Variants in PWWP2B observed in about 807,000 individuals in gnomAD.
PWWP2B encodes the protein PWWP domain-containing protein 2B.
A neutral mutation model predicts 15.5 loss-of-function variants in PWWP2B; 9 were observed. The ratio of observed to expected loss-of-function variants is 0.58; its 90% CI spans 0.35 to 1.02. The LOEUF is 1.02. Among genes scored for constraint, PWWP2B ranks in the 50% least tolerant of loss-of-function variants. The pLI is 0.02. For synonymous variants in PWWP2B, 474 were observed against 403.6 expected, an observed-to-expected ratio of 1.17 and a Z score of -2.09; for missense variants, 864 against 865.3, an observed-to-expected ratio of 1.00 and a Z score of 0.02.
intron 2 of PWWP2B, among the ~76,000 whole-genome samples, chr10:132,407,119 C>A (rs112093390): frequency 6.6e-6 from 1 of 152,146 alleles, no homozygotes; most frequent in African/African-American, 2.4e-5. Context: ...GTAATCACCA[C>A]GTGGGGCATC....
At chr10:132,411,827 C>T (rs1422475014) in intron 2 of PWWP2B, among the ~76,000 whole-genome samples, 2 of 152,234 alleles carry the variant, frequency 1.3e-5, no homozygotes, top group East Asian at 3.8e-4. Flanking sequence ...TTTAGAACAG[C>T]GTCCTTGAGC....
intron 1 of PWWP2B, among the ~76,000 whole-genome samples, chr10:132,399,468 G>A (rs911130392): frequency 2.4e-4 from 37 of 152,278 alleles, no homozygotes; most frequent in African/African-American, 8.4e-4. Flanking sequence ...GTTGTCGGCC[G>A]GTTTGGGAGA....
At chr10:132,401,624 A>G (rs547589462) in intron 1 of PWWP2B, among the ~76,000 whole-genome samples, 3 of 152,292 alleles carry the variant, frequency 2.0e-5, no homozygotes, top group East Asian at 3.9e-4. Flanking sequence ...GCACTTCCAG[A>G]AGGACCACTC....
intron 1 of PWWP2B, among the ~76,000 whole-genome samples, chr10:132,402,244 T>G (rs541127009): frequency 6.6e-6 from 1 of 152,344 alleles, no homozygotes; most frequent in Non-Finnish European, 1.5e-5. Flanking sequence ...TCCTGGCACC[T>G]TCAGCCCAGT....
At chr10:132,397,823 G>T (rs71480041) in intron 1 of PWWP2B, among the ~76,000 whole-genome samples, 11 of 152,110 alleles carry the variant, frequency 7.2e-5, no homozygotes, top group Non-Finnish European at 1.5e-4. Flanking sequence ...GTTTGGATTC[G>T]GGGAGAGCAG....
chr10:132,408,100 C>G (rs117974416), intron 2 of PWWP2B, among the ~76,000 whole-genome samples: 4 of 152,210 alleles, frequency 2.6e-5, no homozygotes, highest in Non-Finnish European at 5.9e-5. Flanking sequence ...CCTGCCTCCA[C>G]GGGGGGCAGT....
chr10:132,416,964 C>G, intron 2 of PWWP2B, 97 bp from the exon 3 acceptor site: 1 of 1,393,340 alleles, frequency 7.2e-7, no homozygotes, highest in South Asian at 1.2e-5. Context: ...GCCTCAGGCC[C>G]TCCGGGGCAC....
chr10:132,405,211 C>G lies in PWWP2B; in HGVS notation c.711C>G (p.Arg237=), dbSNP rs368192876. The change falls in exon 2 of 3, where the codon CGC becomes CGG. Residue 237 remains arginine, a synonymous_variant. Transcript: ENST00000305233. ...ATARRSKRER[R]EEDRAPAEQV... ...CCAGGAGGAGCAAGAGGGAGAGGCGCGAGGAGGACAGGGCCCCGGCAGAGC... is the reference window on the plus strand; with the variant it reads ...CCAGGAGGAGCAAGAGGGAGAGGCGGGAGGAGGACAGGGCCCCGGCAGAGC... The G allele has an allele frequency of 5.2e-5, 82 of 1,589,996 alleles. No individual in the cohort carries two copies. The African/African-American group carries it at 9.9e-4, about 19-fold the overall frequency.
intron 1 of PWWP2B, among the ~76,000 whole-genome samples, chr10:132,399,248 T>G (rs2069582096): frequency 6.6e-6 from 1 of 152,230 alleles, no homozygotes; most frequent in Non-Finnish European, 1.5e-5. Context: ...TCCCCAAGTG[T>G]GGGTGCTGAC....
chr10:132,405,127 C>T lies in PWWP2B; in HGVS notation c.627C>T (p.Asp209=). Reference sequence around the variant, plus strand: ...GCAGGAGGCTGGGCAGCGGCCCGGACAGGGAGCTCCGCAAGCCGGAGGAGC... The same window carrying T: ...GCAGGAGGCTGGGCAGCGGCCCGGATAGGGAGCTCCGCAAGCCGGAGGAGC... ...RARRRLGSGP[D]RELRKPEEPE... The change falls in exon 2 of 3, where the codon GAC becomes GAT. Residue 209 remains aspartate, a synonymous_variant. Coordinates refer to ENST00000305233, the MANE Select transcript of PWWP2B (RefSeq NM_138499.4). 6.5e-7 allele frequency: 1 copy of T among 1,543,348 alleles called. No homozygotes were observed. Among genetic ancestry groups the T allele is most frequent in the Non-Finnish European group, 8.7e-7 (1 of 1,144,128 alleles).
chr10:132,414,132 T>A (rs925434313), intron 2 of PWWP2B, among the ~76,000 whole-genome samples: 49 of 152,220 alleles, frequency 3.2e-4, no homozygotes, highest in African/African-American at 1.2e-3. Flanking sequence ...CCTTGGAGTC[T>A]GTGTCTCTGC....
intron 1 of PWWP2B, among the ~76,000 whole-genome samples, chr10:132,399,829 G>T (rs1239084421): frequency 6.6e-6 from 1 of 152,168 alleles, no homozygotes; most frequent in Non-Finnish European, 1.5e-5. Context: ...GCTGAGGGGT[G>T]GCCTGAGGAC....
intron 2 of PWWP2B, among the ~76,000 whole-genome samples, chr10:132,409,631 A>ACCCC (rs1564876615): frequency 3.1e-5 from 1 of 32,156 alleles, no homozygotes; most frequent in African/African-American, 1.3e-4. Context: ...CTCCCTCACC[A>ACCCC]CCCACCCACC....
At position 132,404,017 on chromosome 10, in the gene PWWP2B, G is replaced by A. The variant is rs183628716; in HGVS notation, c.126-609G>A. Among the ~76,000 whole-genome samples the A allele has an allele frequency of 5.9e-4, 29 of 49,302 alleles. 1 individual carries two copies. The East Asian group carries it at 0.019, about 32-fold the overall frequency. The allele number at this position is 49,302 out of a possible 152,430, so 32.3% of individuals were successfully genotyped here. A position where few individuals can be genotyped will look rare whatever the true frequency, so the allele number is the denominator to read the frequency against. ...TAGGACGGCATTCTCCAGGGCTCCT[G>A]CAGGACGGCATTCTCCAGGGCTCCT... On this transcript the variant is annotated intron_variant, in intron 1 of 2. Transcript: ENST00000305233.
rs188977639 is a variant in PWWP2B at position 132,403,596 on chromosome 10, C to T, written c.126-1030C>T. On this transcript the variant is annotated intron_variant, in intron 1 of 2. Coordinates refer to ENST00000305233, the MANE Select transcript of PWWP2B (RefSeq NM_138499.4). ...ATGGGGCAGCCAGGTGCCCGTGCAG[C>T]GAGGTGGCCTGCACTCTAGGACGTG... Among the ~76,000 whole-genome samples the T allele has an allele frequency of 4.6e-4, 70 of 152,324 alleles. No individual in the cohort carries two copies. The East Asian group carries it at 0.012, about 26-fold the overall frequency.
rs776440270 is a variant in PWWP2B, at chr10:132,405,817, G to A, written c.1317G>A (p.Thr439=). The A allele has an allele frequency of 4.0e-5, 65 of 1,608,394 alleles. 1 individual carries two copies. The highest frequency in any genetic ancestry group is 1.5e-4 in the South Asian group (14 of 91,058). The stretch of plus-strand genomic sequence containing the variant: ...CCAGATCGTCCGGCTCGGAAGGGAC[G>A]CCGGCAGACACGGGTGACCTCTCGC... The part of the protein sequence containing the change: ...DEARSSGSEG[T]PADTGDLSPG... Residue 439 remains threonine (T), a synonymous_variant, in exon 2 of 3, where the codon ACG becomes ACA. Transcript: ENST00000305233.
intron 2 of PWWP2B, among the ~76,000 whole-genome samples, chr10:132,415,869 T>G (rs1009051549): frequency 1.3e-5 from 2 of 152,168 alleles, no homozygotes; most frequent in African/African-American, 4.8e-5. Context: ...GGCTTGGTGC[T>G]TGGTCTTCAA....
At chr10:132,406,423 C>A (rs2069699466) in intron 2 of PWWP2B, 134 bp downstream of exon 2, 1 of 740,970 alleles carries the variant, frequency 1.3e-6, no homozygotes, top group Non-Finnish European at 2.1e-6. Context: ...GCTTGGGGCC[C>A]CAGCCGTCTG....
chr10:132,403,327 C>T (rs987244527), intron 1 of PWWP2B, among the ~76,000 whole-genome samples: 2 of 152,200 alleles, frequency 1.3e-5, no homozygotes, highest in Admixed American at 6.5e-5. Context: ...CTCTTTCTCT[C>T]CATCTCCCTC....
Sources: gnomAD v4.1 joint callset for allele counts (sites outside exome capture counted in the v4.1 genomes callset) on GRCh38, gnomAD v4.1.1 for gene constraint, MANE v1.5 for transcripts, NCBI Gene and HGNC (gene_info 2026-07-23, HGNC 2026-07-21) for gene names.